The following SHISA6 variants were observed in gnomAD, a reference collection of about 807,000 sequenced individuals.
The protein encoded by SHISA6 is shisa family member 6, also known as protein shisa-6.
A neutral mutation model predicts 47.9 loss-of-function variants in SHISA6; 22 were observed. The ratio of observed to expected loss-of-function variants is 0.46; its 90% CI spans 0.33 to 0.66. The LOEUF is 0.66. Ranked by LOEUF, SHISA6 falls within the 30% of genes least tolerant of loss-of-function variation. The pLI is 0.02. For missense variants in SHISA6, 680 were observed against 764.6 expected (o/e 0.89, Z 1.30); for synonymous variants, 388 against 337.8 (o/e 1.15, Z -1.63).
chr17:11,296,872 G>T (rs1333405119), intron 2 of SHISA6, among the ~76,000 whole-genome samples: 1 of 152,026 alleles, frequency 6.6e-6, no homozygotes, highest in Non-Finnish European at 1.5e-5. Context: ...AGAAGAGAGT[G>T]CATCAAGAAA....
At chr17:11,260,165 C>G (rs2142143898) in intron 1 of SHISA6, among the ~76,000 whole-genome samples, 1 of 152,260 alleles carries the variant, frequency 6.6e-6, no homozygotes, top group East Asian at 1.9e-4. Flanking sequence ...TTTCCCTGAT[C>G]AGATTTGCTG....
chr17:11,469,037 A>C, intron 3 of SHISA6, among the ~76,000 whole-genome samples: 1 of 151,054 alleles, frequency 6.6e-6, no homozygotes, highest in Non-Finnish European at 1.5e-5. Flanking sequence ...AAAAAAAAAA[A>C]AAAAAAAAAA....
intron 3 of SHISA6, among the ~76,000 whole-genome samples, chr17:11,515,596 TC>T: frequency 6.6e-6 from 1 of 152,176 alleles, no homozygotes; most frequent in East Asian, 1.9e-4. Context: ...TCCTGCGTGA[TC>T]CTACGAAGAG....
intron 3 of SHISA6, among the ~76,000 whole-genome samples, chr17:11,411,287 C>T (rs906987456): frequency 9.9e-5 from 15 of 151,882 alleles, no homozygotes; most frequent in Non-Finnish European, 2.2e-4. Flanking sequence ...TCTATTCAGC[C>T]TCTCCCACTC....
chr17:11,432,583 T>G (rs1914812554), intron 3 of SHISA6, among the ~76,000 whole-genome samples: 1 of 152,150 alleles, frequency 6.6e-6, no homozygotes, highest in South Asian at 2.1e-4. Flanking sequence ...GAGAAGGAAT[T>G]TATTGGGAGG....
intron 2 of SHISA6, among the ~76,000 whole-genome samples, chr17:11,327,369 T>G (rs1443592105): frequency 6.6e-6 from 1 of 152,230 alleles, no homozygotes; most frequent in Non-Finnish European, 1.5e-5. Flanking sequence ...AGGATTAGTT[T>G]TATCATCAGA....
chr17:11,357,105 G>A (rs1041102777), intron 2 of SHISA6, among the ~76,000 whole-genome samples: 1 of 146,198 alleles, frequency 6.8e-6, no homozygotes. Flanking sequence ...GGAGAATGGC[G>A]TGAACCCGGG....
intron 3 of SHISA6, among the ~76,000 whole-genome samples, chr17:11,404,681 C>G (rs1293931602): frequency 6.6e-6 from 1 of 152,184 alleles, no homozygotes; most frequent in African/African-American, 2.4e-5. Flanking sequence ...CAAGCACACA[C>G]AGTAATGTAC....
At chr17:11,366,807 A>G (rs1174604372) in intron 2 of SHISA6, among the ~76,000 whole-genome samples, 1 of 152,200 alleles carries the variant, frequency 6.6e-6, no homozygotes, top group Non-Finnish European at 1.5e-5. Context: ...GAAATGGTGT[A>G]TGTGGAGGGT....
chr17:11,413,876 G>A (rs752992216), intron 3 of SHISA6, among the ~76,000 whole-genome samples: 47 of 152,104 alleles, frequency 3.1e-4, no homozygotes, highest in Admixed American at 1.0e-3. Flanking sequence ...GATGGGAGGC[G>A]CTGCGCAGTC....
At chr17:11,363,096 TTATTAG>T (rs1185132738) in intron 2 of SHISA6, among the ~76,000 whole-genome samples, 1 of 152,194 alleles carries the variant, frequency 6.6e-6, no homozygotes, top group Non-Finnish European at 1.5e-5. Flanking sequence ...AACTACAGCT[TTATTAG>T]AAGCAGAGCT....
chr17:11,327,397 C>A (rs1360668562), intron 2 of SHISA6, among the ~76,000 whole-genome samples: 2 of 152,150 alleles, frequency 1.3e-5, no homozygotes, highest in Non-Finnish European at 2.9e-5. Flanking sequence ...GAGGGTGGAA[C>A]CAAAATATTC....
At chr17:11,280,239 T>G (rs1326763659) in intron 2 of SHISA6, among the ~76,000 whole-genome samples, 4 of 152,202 alleles carry the variant, frequency 2.6e-5, no homozygotes, top group Non-Finnish European at 5.9e-5. Context: ...CCAGGTAGAT[T>G]GAGAGTCATT....
intron 2 of SHISA6, among the ~76,000 whole-genome samples, chr17:11,356,168 A>G (rs1397445070): frequency 2.0e-5 from 3 of 152,220 alleles, no homozygotes; most frequent in Non-Finnish European, 4.4e-5. Flanking sequence ...TAGCTTAATG[A>G]GCAAACCATT....
At chr17:11,320,843 T>G (rs1309862234) in intron 2 of SHISA6, among the ~76,000 whole-genome samples, 1 of 152,188 alleles carries the variant, frequency 6.6e-6, no homozygotes, top group South Asian at 2.1e-4. Context: ...CATGTATGGG[T>G]GTGACATACC....
intron 2 of SHISA6, among the ~76,000 whole-genome samples, chr17:11,276,872 T>G (rs188828278): frequency 1.4e-3 from 220 of 152,312 alleles, no homozygotes; most frequent in Non-Finnish European, 2.5e-3. Context: ...GATGTTCACT[T>G]ACATAACTAT....
intron 3 of SHISA6, among the ~76,000 whole-genome samples, chr17:11,387,582 A>G (rs1913239748): frequency 6.6e-6 from 1 of 152,134 alleles, no homozygotes; most frequent in African/African-American, 2.4e-5. Context: ...GTCAGTGATG[A>G]TGGGGGTAAA....
intron 2 of SHISA6, among the ~76,000 whole-genome samples, chr17:11,312,328 T>A (rs1438970074): frequency 6.6e-6 from 1 of 152,210 alleles, no homozygotes; most frequent in Admixed American, 6.5e-5. Flanking sequence ...TGAATTTCCT[T>A]CTTATAACAA....
At chr17:11,252,370 G>A (rs765947027) in intron 1 of SHISA6, among the ~76,000 whole-genome samples, 14 of 152,176 alleles carry the variant, frequency 9.2e-5, no homozygotes, top group Non-Finnish European at 1.8e-4. Context: ...GGACATATTC[G>A]TTGTTCCCTT....
Sources: gnomAD v4.1 joint callset for allele counts (sites outside exome capture counted in the v4.1 genomes callset) on GRCh38, gnomAD v4.1.1 for gene constraint, MANE v1.5 for transcripts, NCBI Gene and HGNC (gene_info 2026-07-23, HGNC 2026-07-21) for gene names.